ADK: variants seen among roughly 807,000 people sequenced by gnomAD.
ADK encodes adenosine kinase.
A neutral mutation model predicts 44.7 loss-of-function variants in ADK; 24 were observed. That is an observed-to-expected ratio of 0.54 (90% CI 0.39 to 0.76). ADK has a LOEUF of 0.76. Ranked by LOEUF, ADK falls within the 30% of genes least tolerant of loss-of-function variation. The pLI is 0.00. For synonymous variants in ADK, 128 were observed against 142.6 expected (o/e 0.90, Z 0.73); for missense variants, 321 against 425.1 (o/e 0.76, Z 2.15).
chr10:74,283,224 C>T (rs138356415), intron 3 of ADK, among the ~76,000 whole-genome samples: 74 of 152,184 alleles, frequency 4.9e-4, no homozygotes, highest in African/African-American at 1.6e-3. Flanking sequence ...TCTTTTATAA[C>T]GACCTTTATC....
Position 74,451,640 on chromosome 10 carries a change from A to T in ADK, c.555+53061A>T, listed in dbSNP as rs369152622. On this transcript the variant is annotated intron_variant, in intron 6 of 10. Transcript: ENST00000539909. Reference sequence around the variant, plus strand: ...TTCAGAAAGAAAGGTGGAGGTGGGAAAGCATATATGTAGCTAAGCTACTAA... The same window carrying T: ...TTCAGAAAGAAAGGTGGAGGTGGGATAGCATATATGTAGCTAAGCTACTAA... Among the ~76,000 whole-genome samples the T allele has an allele frequency of 1.2e-4, 18 of 152,262 alleles. No individual in the cohort carries two copies. In the East Asian group the frequency reaches 3.3e-3, roughly 28 times the overall value.
chr10:74,644,155 C>T (rs963135472), intron 9 of ADK, among the ~76,000 whole-genome samples: 8 of 152,240 alleles, frequency 5.3e-5, no homozygotes, highest in South Asian at 2.1e-4. Flanking sequence ...TACTTTAATC[C>T]GTATTAATAT....
intron 3 of ADK, among the ~76,000 whole-genome samples, chr10:74,227,527 T>A (rs1021207924): frequency 6.6e-6 from 1 of 151,888 alleles, no homozygotes; most frequent in African/African-American, 2.4e-5. Context: ...CTGGGAAACA[T>A]AGTGAGACCC....
At chr10:74,203,976 A>T (rs765163292) in intron 2 of ADK, among the ~76,000 whole-genome samples, 154 of 74,738 alleles carry the variant, frequency 2.1e-3, no homozygotes, top group Admixed American at 4.3e-3. Flanking sequence ...TTTTTTTTGG[A>T]GACAGAATCT....
At chr10:74,171,463 AT>A (rs1341216895) in intron 1 of ADK, among the ~76,000 whole-genome samples, 1 of 152,122 alleles carries the variant, frequency 6.6e-6, no homozygotes, top group Non-Finnish European at 1.5e-5. Context: ...ATGGGTCCAC[AT>A]TTTTGGTATG....
chr10:74,506,427 G>A (rs1848077718), intron 6 of ADK: 2 of 178,458 alleles, frequency 1.1e-5, no homozygotes, highest in Non-Finnish European at 2.3e-5. Flanking sequence ...TGGGTCCCAT[G>A]GTGATGTTCA....
At chr10:74,682,692 G>T (rs1230839289) in intron 10 of ADK, among the ~76,000 whole-genome samples, 2 of 151,198 alleles carry the variant, frequency 1.3e-5, no homozygotes, top group African/African-American at 4.9e-5. Flanking sequence ...TCCAGCCTCA[G>T]CCTCCCAAGT....
At chr10:74,290,330 C>T (rs553376033) in intron 3 of ADK, among the ~76,000 whole-genome samples, 9 of 152,180 alleles carry the variant, frequency 5.9e-5, no homozygotes, top group African/African-American at 2.2e-4. Context: ...ATCAGTACTT[C>T]TGATTAGTAA....
intron 10 of ADK, among the ~76,000 whole-genome samples, chr10:74,707,709 GC>G (rs539318396): frequency 1.4e-3 from 199 of 145,516 alleles, no homozygotes; most frequent in Non-Finnish European, 1.9e-3. Context: ...ATTGCAGTGG[GC>G]CAGGATCATG....
intron 3 of ADK, among the ~76,000 whole-genome samples, chr10:74,229,554 C>T (rs1301951376): frequency 2.6e-5 from 4 of 151,954 alleles, no homozygotes; most frequent in Admixed American, 6.6e-5. Flanking sequence ...CCCACCACCA[C>T]GCCCGGCTAA....
intron 7 of ADK, chr10:74,527,901 T>C (rs1158042318): frequency 1.4e-5 from 11 of 811,356 alleles, no homozygotes; most frequent in Non-Finnish European, 2.4e-5. Flanking sequence ...AGAGAAGGAT[T>C]GTGAAAGCTG....
intron 9 of ADK, among the ~76,000 whole-genome samples, chr10:74,633,215 G>A (rs1853501800): frequency 6.6e-6 from 1 of 152,158 alleles, no homozygotes; most frequent in African/African-American, 2.4e-5. Context: ...CTTTCCCAGA[G>A]TGAACCAATG....
chr10:74,520,930 G>A (rs182166258), intron 6 of ADK, among the ~76,000 whole-genome samples: 4 of 152,086 alleles, frequency 2.6e-5, no homozygotes, highest in African/African-American at 7.2e-5. Context: ...TAGGATCAAC[G>A]ATAAACAGCT....
Position 74,463,812 on chromosome 10 carries a change from G to A in ADK, c.556-61444G>A, listed in dbSNP as rs1412304833. Among the ~76,000 whole-genome samples the A allele has an allele frequency of 2.6e-5, 4 of 151,536 alleles. No homozygotes were observed. In the East Asian group the frequency reaches 5.8e-4, roughly 22 times the overall value. On this transcript the variant is annotated intron_variant, in intron 6 of 10. Transcript: ENST00000539909. ...TCATGGTATCTTGTCTTTTTTTTAC[G>A]TCTTTCTAAACTGCCTTAATCCTTG...
intron 6 of ADK, among the ~76,000 whole-genome samples, chr10:74,463,182 C>G (rs1331131616): frequency 6.6e-6 from 1 of 151,638 alleles, no homozygotes; most frequent in African/African-American, 2.4e-5. Context: ...AGGACTGTTT[C>G]GTGGAAGATC....
chr10:74,608,144 A>G (rs978712347), intron 9 of ADK, among the ~76,000 whole-genome samples: 2 of 151,654 alleles, frequency 1.3e-5, no homozygotes, highest in African/African-American at 4.8e-5. Context: ...CCTTTTTTCA[A>G]GGTTCTTAGC....
intron 9 of ADK, among the ~76,000 whole-genome samples, chr10:74,654,377 G>A (rs934658783): frequency 3.3e-5 from 5 of 152,076 alleles, no homozygotes; most frequent in South Asian, 2.1e-4. Flanking sequence ...CTATTCTCCC[G>A]CCCTAAGAGT....
chr10:74,176,890 A>G (rs759026019), intron 1 of ADK: 1 of 1,610,238 alleles, frequency 6.2e-7, no homozygotes, highest in South Asian at 1.1e-5. Context: ...CAGTCAGGTA[A>G]CGAGCGGGCG....
chr10:74,488,204 A>G (rs1052190139), intron 6 of ADK, among the ~76,000 whole-genome samples: 1 of 151,982 alleles, frequency 6.6e-6, no homozygotes, highest in Non-Finnish European at 1.5e-5. Flanking sequence ...ATTAAGGGAG[A>G]CTAAAGAGAC....
Sources: gnomAD v4.1 joint callset for allele counts (sites outside exome capture counted in the v4.1 genomes callset) on GRCh38, gnomAD v4.1.1 for gene constraint, MANE v1.5 for transcripts, NCBI Gene and HGNC (gene_info 2026-07-23, HGNC 2026-07-21) for gene names.